The following TTLL5 variants were observed in gnomAD, a reference collection of about 807,000 sequenced individuals.
TTLL5 encodes the protein tubulin polyglutamylase TTLL5.
A neutral mutation model predicts 168.4 loss-of-function variants in TTLL5; 132 were observed. That is an observed-to-expected ratio of 0.78 (90% CI 0.68 to 0.91). TTLL5 has a LOEUF of 0.91. TTLL5 is among the 40% of genes least tolerant of loss of function. The pLI, the probability that TTLL5 is intolerant of heterozygous loss-of-function variation, is 0.00. For missense variants in TTLL5, 1,545 were observed against 1,581.5 expected (o/e 0.98, Z 0.39); for synonymous variants, 546 against 558.6 (o/e 0.98, Z 0.32).
At position 75,811,156 on chromosome 14, in the gene TTLL5, A is replaced by AGAGAGTGTGTGT. The variant is rs60194482; in HGVS notation, c.3172-8850_3172-8849insAGAGTGTGTGTG. 2.9e-3 allele frequency among the ~76,000 whole-genome samples: 336 copies of AGAGAGTGTGTGT among 116,612 alleles called. 6 individuals carry two copies. The highest frequency in any genetic ancestry group is 9.4e-3 in the African/African-American group (279 of 29,650). 76.5% of individuals were successfully genotyped at this position (116,612 alleles called of 152,430 possible). ...GGGAAAGAGAGGGAATGAAAGAAAG[A>AGAGAGTGTGTGT]GTGTGTGTGTGTGTGTGTGTGTGTG... On this transcript the variant is annotated intron_variant, in intron 27 of 31. Coordinates refer to ENST00000298832, the MANE Select transcript of TTLL5 (RefSeq NM_015072.5).
chr14:75,724,137 T>G (rs180716273), intron 12 of TTLL5, among the ~76,000 whole-genome samples: 2 of 152,234 alleles, frequency 1.3e-5, no homozygotes, highest in African/African-American at 4.8e-5. Flanking sequence ...TGGGGTTCGC[T>G]ATATTCTTTT....
At chr14:75,935,853 A>G (rs568738235) in intron 31 of TTLL5, among the ~76,000 whole-genome samples, 5 of 152,350 alleles carry the variant, frequency 3.3e-5, no homozygotes, top group Admixed American at 1.3e-4. Context: ...CCAAGAGTCT[A>G]GGGTAGAAGA....
Position 75,782,492 on chromosome 14 carries a change from C to T in TTLL5, c.2521C>T (p.Pro841Ser), listed in dbSNP as rs143747963. The change falls in exon 25 of 32, where the codon CCT (proline) becomes TCT (serine). Residue 841 changes from proline (P) to serine (S), a missense_variant. Coordinates refer to ENST00000298832, the MANE Select transcript of TTLL5 (RefSeq NM_015072.5). ...CTCATTATTTCTTATTTCAGATCACCCTGAGACTATAATGGAAGAAGTGAA... is the reference window on the plus strand; with the variant it reads ...CTCATTATTTCTTATTTCAGATCACTCTGAGACTATAATGGAAGAAGTGAA... The part of the protein sequence containing the change: ...YSDSGAKGDH[P>S]ETIMEEVKIK... The T allele has an allele frequency of 6.2e-7, 1 of 1,612,878 alleles. No individual in the cohort carries two copies. The highest frequency in any genetic ancestry group is 8.5e-7 in the Non-Finnish European group (1 of 1,179,256).
At chr14:75,845,484 C>T (rs1486431386) in intron 28 of TTLL5, among the ~76,000 whole-genome samples, 1 of 152,134 alleles carries the variant, frequency 6.6e-6, no homozygotes, top group Non-Finnish European at 1.5e-5. Context: ...AAATGCCCTA[C>T]AACTTGATAT....
At chr14:75,862,340 A>G (rs2030086566) in intron 28 of TTLL5, among the ~76,000 whole-genome samples, 1 of 152,186 alleles carries the variant, frequency 6.6e-6, no homozygotes, top group Non-Finnish European at 1.5e-5. Flanking sequence ...TTCTGTATAT[A>G]TCTACAAGAA....
rs541400148 is a variant in TTLL5 at position 75,735,266 on chromosome 14, C to T, written c.1258C>T (p.Arg420Ter). The T allele has an allele frequency of 1.1e-5, 18 of 1,614,084 alleles. No individual in the cohort carries two copies. The highest frequency in any genetic ancestry group is 8.3e-5 in the Admixed American group (5 of 60,010). ...TTATCCCACCTTTGAGTCTTCCAGG[C>T]GAAACCCTTTCCAGAAACCTCAGGT... Reference protein sequence around the residue: ...PIYPTFESSRRNPFQKPQRCR... With the variant: ...PIYPTFESSR The change falls in exon 15 of 32, where the codon CGA becomes TGA. Residue 420 changes from arginine (R) to a stop codon, truncating the protein, a stop_gained. Transcript: ENST00000298832. LOFTEE classifies it high-confidence loss of function.
At chr14:75,681,265 A>G (rs908062515) in intron 3 of TTLL5, among the ~76,000 whole-genome samples, 1 of 152,218 alleles carries the variant, frequency 6.6e-6, no homozygotes, top group Non-Finnish European at 1.5e-5. Context: ...TAATGTTAAT[A>G]CTGCCTGTTT....
chr14:75,913,580 A>G (rs2033475699), intron 31 of TTLL5, among the ~76,000 whole-genome samples: 1 of 152,180 alleles, frequency 6.6e-6, no homozygotes, highest in East Asian at 1.9e-4. Context: ...AAAGAAAACA[A>G]AAAATAATAA....
intron 15 of TTLL5, 63 bp downstream of exon 15, chr14:75,735,352 CTG>C (rs944665130): frequency 5.2e-6 from 8 of 1,525,688 alleles, no homozygotes; most frequent in Non-Finnish European, 7.3e-6. Context: ...GCTGATGTAA[CTG>C]TGGGAGCAGA....
chr14:75,942,042 G>A (rs1009259263), intron 31 of TTLL5, among the ~76,000 whole-genome samples: 4 of 150,214 alleles, frequency 2.7e-5, no homozygotes, highest in African/African-American at 5.0e-5. Context: ...CTAGCCAGGT[G>A]TGTGGTGGCT....
chr14:75,727,598 T>C (rs186875435), intron 12 of TTLL5, among the ~76,000 whole-genome samples: 61 of 152,294 alleles, frequency 4.0e-4, no homozygotes, highest in African/African-American at 1.4e-3. Flanking sequence ...CTTGTGGTGG[T>C]GTTAGACAAC....
In TTLL5 at chr14:75,745,152, C is replaced by G. The variant is rs139653147; in HGVS notation, c.1339C>G (p.Arg447Gly). 8.1e-6 allele frequency: 13 copies of G among 1,613,776 alleles called. No individual in the cohort carries two copies. Among genetic ancestry groups the G allele is most frequent in the African/African-American group, 4.0e-5 (3 of 74,920 alleles). The change falls in exon 16 of 32, where the codon CGG (arginine) becomes GGG (glycine). Residue 447 changes from arginine to glycine, a missense_variant. Arg to Gly is a moderately radical substitution (Grantham distance 125). Transcript: ENST00000298832. The part of the protein sequence containing the change: ...AEMKNLVGSA[R>G]EKGPGKLGGS... Reference sequence around the variant, plus strand: ...AATGAAAAACCTCGTGGGCTCAGCCCGGGAGAAAGGGCCAGGGAAGTTGGG... The same window carrying G: ...AATGAAAAACCTCGTGGGCTCAGCCGGGGAGAAAGGGCCAGGGAAGTTGGG...
intron 27 of TTLL5, among the ~76,000 whole-genome samples, chr14:75,799,844 C>A (rs1893187670): frequency 6.6e-6 from 1 of 152,186 alleles, no homozygotes; most frequent in Non-Finnish European, 1.5e-5. Context: ...TGGTGTTAAT[C>A]TAATAGGTTT....
At chr14:75,784,700 A>G (rs543307982) in intron 26 of TTLL5, among the ~76,000 whole-genome samples, 1 of 152,318 alleles carries the variant, frequency 6.6e-6, no homozygotes, top group South Asian at 2.1e-4. Context: ...CCTTTTACTA[A>G]CAGCAATGTT....
intron 24 of TTLL5, among the ~76,000 whole-genome samples, chr14:75,780,299 C>G (rs1285543648): frequency 1.3e-5 from 2 of 152,038 alleles, no homozygotes; most frequent in African/African-American, 4.8e-5. Flanking sequence ...GGTGGGAAGT[C>G]TAATATACTT....
At chr14:75,718,461 C>T (rs1210188687) in intron 10 of TTLL5, among the ~76,000 whole-genome samples, 1 of 152,130 alleles carries the variant, frequency 6.6e-6, no homozygotes, top group Non-Finnish European at 1.5e-5. Context: ...ATAGCACATG[C>T]AACTTAACTT....
intron 27 of TTLL5, among the ~76,000 whole-genome samples, chr14:75,816,973 TA>T (rs1894451164): frequency 8.4e-6 from 1 of 118,554 alleles, no homozygotes; most frequent in African/African-American, 3.0e-5. Context: ...TTCCCTGTCT[TA>T]TTTTTTTTTT....
chr14:75,855,244 G>C (rs777589425), intron 28 of TTLL5, among the ~76,000 whole-genome samples: 1 of 151,786 alleles, frequency 6.6e-6, no homozygotes, highest in Non-Finnish European at 1.5e-5. Context: ...TATTGTGATC[G>C]CTTTGAATCT....
At position 75,827,763 on chromosome 14, in the gene TTLL5, A is replaced by G. The variant is rs948894402; in HGVS notation, c.3326+7602A>G. Reference sequence around the variant, plus strand: ...TGAAACAAGGTCTCACTCTGTCACCAGGCTGAAGCTCATTGGCATGATCAC... The same window carrying G: ...TGAAACAAGGTCTCACTCTGTCACCGGGCTGAAGCTCATTGGCATGATCAC... On this transcript the variant is annotated intron_variant, in intron 28 of 31. Coordinates refer to ENST00000298832, the MANE Select transcript of TTLL5 (RefSeq NM_015072.5). Among the ~76,000 whole-genome samples the G allele has an allele frequency of 2.7e-5, 3 of 113,066 alleles. No homozygotes were observed. The South Asian group carries it at 9.6e-4, about 36-fold the overall frequency. The allele number at this position is 113,066 out of a possible 152,430, so 74.2% of individuals were successfully genotyped here. A position where few individuals can be genotyped will look rare whatever the true frequency, so the allele number is the denominator to read the frequency against.
Sources: gnomAD v4.1 joint callset for allele counts (sites outside exome capture counted in the v4.1 genomes callset) on GRCh38, gnomAD v4.1.1 for gene constraint, MANE v1.5 for transcripts, NCBI Gene and HGNC (gene_info 2026-07-23, HGNC 2026-07-21) for gene names.